DMXL2: variants seen among roughly 807,000 people sequenced by gnomAD.
DMXL2 encodes the protein Dmx like 2.
A neutral mutation model predicts 331.1 loss-of-function variants in DMXL2; 103 were observed. The observed-to-expected ratio is 0.31, with a 90% CI of 0.27 to 0.37. The LOEUF (loss-of-function observed/expected upper bound fraction) is 0.37, where lower values mean the gene tolerates loss of function less well. Ranked by LOEUF, DMXL2 falls within the 10% of genes least tolerant of loss-of-function variation. DMXL2 has a pLI of 1.00. For missense variants in DMXL2, 3,171 were observed against 3,642.9 expected (o/e 0.87, Z 3.33); for synonymous variants, 1,281 against 1,252.1 (o/e 1.02, Z -0.49).
chr15:51,589,111 C>A (rs1468055391), intron 1 of DMXL2, among the ~76,000 whole-genome samples: 1 of 152,062 alleles, frequency 6.6e-6, no homozygotes, highest in Non-Finnish European at 1.5e-5. Context: ...TAATAACCAG[C>A]TGGAAAAGAT....
In DMXL2 at chr15:51,449,215, T is replaced by TA. The variant is rs372959150; in HGVS notation, c.8968-23dup. The TA allele has an allele frequency of 2.4e-5, 39 of 1,611,622 alleles. No homozygotes were observed. The African/African-American group carries it at 4.5e-4, about 19-fold the overall frequency. ...AAACCTAGTGCAAAACAAAAGGAGT[T>TA]AAAAATATATTACGAAAAGACCAAA... is the stretch of plus-strand genomic sequence containing the variant. On this transcript the variant is annotated intron_variant, in intron 43 of 43. Coordinates refer to ENST00000560891, the MANE Select transcript of DMXL2 (RefSeq NM_001378457.1).
At chr15:51,620,380 T>C (rs2054551948) in intron 1 of DMXL2, among the ~76,000 whole-genome samples, 1 of 152,184 alleles carries the variant, frequency 6.6e-6, no homozygotes, top group Non-Finnish European at 1.5e-5. Flanking sequence ...TGAGTCGAAT[T>C]TGGAAACCCA....
chr15:51,559,635 C>T (rs1320133875), intron 6 of DMXL2, among the ~76,000 whole-genome samples: 27 of 152,118 alleles, frequency 1.8e-4, no homozygotes, highest in Admixed American at 1.3e-3. Context: ...GCAGGAGGAT[C>T]GCTTGAGCCC....
rs748856404 is a variant in DMXL2, at chr15:51,488,105, T to C, written c.5066A>G (p.Glu1689Gly). ...VWGLFRSQHD[E>G]KMTTFFSHNF... is the part of the protein sequence containing the mutation. ...GTGGCTGAAAAATGTTGTCATTTTTTCATCATGCTGTGACCTGGGGACCGA... is the reference window on the plus strand; with the variant it reads ...GTGGCTGAAAAATGTTGTCATTTTTCCATCATGCTGTGACCTGGGGACCGA... Residue 1689 changes from glutamate (E) to glycine (G), a missense_variant, in exon 22 of 44, where the codon GAA becomes GGA. This residue lies in a region of DMXL2 where 252 missense variants were observed against 387.4 expected (regional missense o/e 0.65). Transcript: ENST00000560891. 6.2e-7 allele frequency: 1 copy of C among 1,608,404 alleles called. No homozygotes were observed. Among genetic ancestry groups the C allele is most frequent in the Admixed American group, 1.7e-5 (1 of 59,144 alleles).
chr15:51,469,806 C>G (rs2040928932), intron 29 of DMXL2, among the ~76,000 whole-genome samples: 2 of 152,030 alleles, frequency 1.3e-5, no homozygotes, highest in Admixed American at 6.5e-5. Context: ...TTATTATTTC[C>G]CTGGTTTATT....
intron 1 of DMXL2, among the ~76,000 whole-genome samples, chr15:51,598,380 G>A (rs896378859): frequency 1.4e-4 from 22 of 151,976 alleles, no homozygotes; most frequent in Admixed American, 1.3e-3. Flanking sequence ...ATACTTTAAT[G>A]TTTCCCCTTA....
At chr15:51,593,386 C>T (rs2052545607) in intron 1 of DMXL2, among the ~76,000 whole-genome samples, 1 of 152,150 alleles carries the variant, frequency 6.6e-6, no homozygotes, top group South Asian at 2.1e-4. Flanking sequence ...ATATATGCAC[C>T]TAATACAGGA....
intron 1 of DMXL2, among the ~76,000 whole-genome samples, chr15:51,608,322 T>A (rs369525237): frequency 6.6e-6 from 1 of 152,224 alleles, no homozygotes; most frequent in Non-Finnish European, 1.5e-5. Flanking sequence ...GCAGCACTAT[T>A]CACAATTGCA....
chr15:51,499,619 G>T lies in DMXL2; in HGVS notation c.3605C>A (p.Thr1202Asn), dbSNP rs1249327938. 31 of 1,614,110 alleles carry T rather than the reference G, an allele frequency of 1.9e-5. No homozygotes were observed. The highest frequency in any genetic ancestry group is 2.5e-5 in the Non-Finnish European group (29 of 1,180,010). Residue 1202 changes from threonine (T) to asparagine (N), a missense_variant, in exon 18 of 44, where the codon ACT (threonine) becomes AAT (asparagine). Physicochemically the swap from Thr to Asn is moderately conservative, Grantham distance 65. This residue lies in a region of DMXL2 where 1,674 missense variants were observed against 1,780.2 expected (regional missense o/e 0.94). Transcript: ENST00000560891. Reference sequence around the variant, plus strand: ...TCCATCCTTACTGTTGGTTTGCTCAGTCACAATTCCTGAAAGCCTTCCATA... The same window carrying T: ...TCCATCCTTACTGTTGGTTTGCTCATTCACAATTCCTGAAAGCCTTCCATA... Reference protein sequence around the residue: ...FMYGRLSGIVTEQTNSKDGVA... With the variant: ...FMYGRLSGIVNEQTNSKDGVA...
chr15:51,595,685 G>T (rs1270328807), intron 1 of DMXL2, among the ~76,000 whole-genome samples: 3 of 152,190 alleles, frequency 2.0e-5, no homozygotes, highest in Non-Finnish European at 4.4e-5. Flanking sequence ...CAAGGCTACA[G>T]TAACCAAAAC....
chr15:51,550,475 C>T (rs981122325), intron 6 of DMXL2, among the ~76,000 whole-genome samples: 3 of 152,062 alleles, frequency 2.0e-5, no homozygotes, highest in Admixed American at 2.0e-4. Context: ...ACATATCCAT[C>T]ACCTCAAATA....
At chr15:51,487,439 A>G (rs764821001) in intron 22 of DMXL2, among the ~76,000 whole-genome samples, 2 of 148,710 alleles carry the variant, frequency 1.3e-5, no homozygotes, top group Non-Finnish European at 3.0e-5. Context: ...CTTGAAATGC[A>G]ATGTGCCATA....
At chr15:51,549,388 T>C (rs942740891) in intron 6 of DMXL2, among the ~76,000 whole-genome samples, 1 of 152,154 alleles carries the variant, frequency 6.6e-6, no homozygotes, top group Non-Finnish European at 1.5e-5. Flanking sequence ...GCTGGTTCTA[T>C]ATTTTTGCAA....
At chr15:51,535,274 T>C (rs77245046) in intron 13 of DMXL2, among the ~76,000 whole-genome samples, 4,005 of 152,234 alleles carry the variant, frequency 0.026, 91 homozygotes, top group Non-Finnish European at 0.041. Flanking sequence ...TTTTTTAAAA[T>C]GGTGAATCAA....
intron 3 of DMXL2, among the ~76,000 whole-genome samples, chr15:51,566,276 T>C (rs1336106601): frequency 4.6e-5 from 6 of 129,212 alleles, no homozygotes; most frequent in East Asian, 2.1e-4. Context: ...TGTGTGTGTG[T>C]GTGCATCTGC....
At chr15:51,533,927 A>G (rs769057324) in intron 13 of DMXL2, among the ~76,000 whole-genome samples, 1 of 152,212 alleles carries the variant, frequency 6.6e-6, no homozygotes, top group Non-Finnish European at 1.5e-5. Context: ...AAACAAATAC[A>G]TTAAATAACA....
At position 51,448,471 on chromosome 15, in the gene DMXL2, C is replaced by A; in HGVS notation, c.*513G>T. On this transcript the variant is annotated 3_prime_UTR_variant, in exon 44 of 44. Coordinates refer to ENST00000560891, the MANE Select transcript of DMXL2 (RefSeq NM_001378457.1). ...AATATTCAGCAGGAAAGAATGGAAA[C>A]GGCCTCTCACAGCAGAGAACTGGTC... is the stretch of plus-strand genomic sequence containing the variant. The A allele has an allele frequency of 6.3e-6, 1 of 159,864 alleles. No homozygotes were observed. The highest frequency in any genetic ancestry group is 1.4e-5 in the Non-Finnish European group (1 of 71,760). 9.9% of individuals were successfully genotyped at this position (159,864 alleles called of 1,614,324 possible).
At chr15:51,608,054 G>A (rs2141374084) in intron 1 of DMXL2, among the ~76,000 whole-genome samples, 1 of 152,016 alleles carries the variant, frequency 6.6e-6, no homozygotes, top group East Asian at 1.9e-4. Flanking sequence ...ATGTGGTGGT[G>A]CGCACCTGTA....
Position 51,455,233 on chromosome 15 carries a change from A to AAGAAC in DMXL2, c.8527-10_8527-6dup. The AAGAAC allele has an allele frequency of 6.2e-7, 1 of 1,612,716 alleles. No individual in the cohort carries two copies. Among genetic ancestry groups the AAGAAC allele is most frequent in the African/African-American group, 1.3e-5 (1 of 75,026 alleles). On this transcript the variant is annotated splice_polypyrimidine_tract_variant and splice_region_variant and intron_variant, in intron 39 of 43. Transcript: ENST00000560891. ...CTCTCCATCCGCAACACCACACTGT[A>AAGAAC]AGAACAGTATAACTACTAAACACAT...
Sources: gnomAD v4.1 joint callset for allele counts (sites outside exome capture counted in the v4.1 genomes callset) on GRCh38, gnomAD v4.1.1 for gene constraint, gnomAD v4.1.1 regional missense constraint, MANE v1.5 for transcripts, NCBI Gene and HGNC (gene_info 2026-07-23, HGNC 2026-07-21) for gene names.